The following UGT1A8 variants were observed in gnomAD, a reference collection of about 807,000 sequenced individuals.
UGT1A8 encodes the protein UDP glucuronosyltransferase family 1 member A8.
In UGT1A8, 39 loss-of-function variants were observed where a neutral mutation model predicts 45.3. The ratio of observed to expected loss-of-function variants is 0.86; its 90% CI spans 0.67 to 1.12. The LOEUF (loss-of-function observed/expected upper bound fraction) is 1.12, where lower values mean the gene tolerates loss of function less well. UGT1A8 is among the 50% of genes most tolerant of loss of function. The probability of loss-of-function intolerance (pLI) is 0.00; values close to 1 mark genes in which losing one functional copy is unlikely to be tolerated. For missense variants in UGT1A8, 719 were observed against 664.9 expected (o/e 1.08, Z -0.90); for synonymous variants, 275 against 249.2 (o/e 1.10, Z -0.97).
chr2:233,728,963 A>G (rs747345180), intron 1 of UGT1A8: 195 of 1,450,970 alleles, frequency 1.3e-4, no homozygotes, highest in Non-Finnish European at 1.6e-4. Flanking sequence ...AGTGAAAAAC[A>G]GTGATAGATT....
intron 1 of UGT1A8, chr2:233,761,300 G>A (rs2125991152): frequency 6.7e-7 from 1 of 1,496,402 alleles, no homozygotes; most frequent in Non-Finnish European, 9.1e-7. Flanking sequence ...CTAGGTTTGA[G>A]TCTGTCTTTG....
At chr2:233,674,143 T>A (rs1453061826) in intron 1 of UGT1A8, among the ~76,000 whole-genome samples, 1 of 152,196 alleles carries the variant, frequency 6.6e-6, no homozygotes, top group Non-Finnish European at 1.5e-5. Context: ...CTTACAAGGT[T>A]CAGTAGACTT....
At chr2:233,658,322 C>T (rs562847995) in intron 1 of UGT1A8, among the ~76,000 whole-genome samples, 31 of 152,232 alleles carry the variant, frequency 2.0e-4, no homozygotes, top group African/African-American at 7.5e-4. Context: ...CCCATCCTCC[C>T]CTATGGTTAA....
At chr2:233,663,628 C>T (rs2074017033) in intron 1 of UGT1A8, among the ~76,000 whole-genome samples, 1 of 152,074 alleles carries the variant, frequency 6.6e-6, no homozygotes, top group Non-Finnish European at 1.5e-5. Context: ...AATGCTAGTC[C>T]TACAAAGGGA....
intron 1 of UGT1A8, among the ~76,000 whole-genome samples, chr2:233,714,632 T>C (rs994949094): frequency 2.6e-5 from 4 of 152,224 alleles, no homozygotes; most frequent in African/African-American, 7.2e-5. Context: ...ACCACTAAAA[T>C]TAATGTGAAT....
intron 1 of UGT1A8, among the ~76,000 whole-genome samples, chr2:233,638,925 T>C (rs1009396691): frequency 6.6e-6 from 1 of 152,066 alleles, no homozygotes; most frequent in South Asian, 2.1e-4. Flanking sequence ...CTCTAAGAGG[T>C]TGGACTTATC....
At chr2:233,621,378 G>A (rs988074502) in intron 1 of UGT1A8, among the ~76,000 whole-genome samples, 1 of 152,012 alleles carries the variant, frequency 6.6e-6, no homozygotes, top group Non-Finnish European at 1.5e-5. Context: ...AAAAGAATTC[G>A]GGCTTCGTCT....
At chr2:233,760,549 G>A (rs2125985791) in intron 1 of UGT1A8, 1 of 1,614,268 alleles carries the variant, frequency 6.2e-7, no homozygotes, top group Non-Finnish European at 8.5e-7. Context: ...AAGGGAGGAT[G>A]TGAAAGAGTC....
At chr2:233,744,159 G>A (rs958752952) in intron 1 of UGT1A8, 17 of 293,374 alleles carry the variant, frequency 5.8e-5, no homozygotes, top group African/African-American at 2.9e-4. Context: ...ACCAGGCCCC[G>A]CCCACTCCGG....
chr2:233,719,816 T>C (rs2076805774), intron 1 of UGT1A8: 21 of 1,580,710 alleles, frequency 1.3e-5, no homozygotes, highest in Non-Finnish European at 1.8e-5. Flanking sequence ...TTATAACAGA[T>C]AAACTGTTGA....
At chr2:233,719,278 C>T (rs769049134) in intron 1 of UGT1A8, 1 of 1,614,106 alleles carries the variant, frequency 6.2e-7, no homozygotes, top group South Asian at 1.1e-5. Context: ...TTAACAGACC[C>T]CGTTAACCTC....
At chr2:233,709,038 G>A (rs2076054065) in intron 1 of UGT1A8, among the ~76,000 whole-genome samples, 1 of 152,112 alleles carries the variant, frequency 6.6e-6, no homozygotes, top group Non-Finnish European at 1.5e-5. Flanking sequence ...TTCAGCCTGA[G>A]TTCTTTTCCC....
chr2:233,669,086 G>A (rs1438123579), intron 1 of UGT1A8, among the ~76,000 whole-genome samples: 1 of 152,200 alleles, frequency 6.6e-6, no homozygotes, highest in African/African-American at 2.4e-5. Context: ...ATACCCAACT[G>A]TTGAAGAGTC....
At chr2:233,667,456 C>A (rs1238439419) in intron 1 of UGT1A8, among the ~76,000 whole-genome samples, 1 of 152,184 alleles carries the variant, frequency 6.6e-6, no homozygotes, top group Non-Finnish European at 1.5e-5. Context: ...CATTACCATT[C>A]AGGACATAGG....
At chr2:233,686,352 CA>C (rs1324120772) in intron 1 of UGT1A8, among the ~76,000 whole-genome samples, 4 of 151,822 alleles carry the variant, frequency 2.6e-5, no homozygotes, top group Non-Finnish European at 5.9e-5. Flanking sequence ...TTTTGTATAT[CA>C]AAGGATACTA....
At chr2:233,653,317 G>GTC (rs761402437) in intron 1 of UGT1A8, among the ~76,000 whole-genome samples, 3 of 152,128 alleles carry the variant, frequency 2.0e-5, no homozygotes, top group Non-Finnish European at 4.4e-5. Context: ...TAACATACAG[G>GTC]TATCTTTGCA....
At chr2:233,760,797 C>T in intron 1 of UGT1A8, 1 of 1,613,492 alleles carries the variant, frequency 6.2e-7, no homozygotes, top group Non-Finnish European at 8.5e-7. Context: ...CCACTGTATT[C>T]TTCTTGCATG....
At chr2:233,747,354 G>C (rs753872482) in intron 1 of UGT1A8, 1 of 1,602,508 alleles carries the variant, frequency 6.2e-7, no homozygotes, top group Non-Finnish European at 8.5e-7. Context: ...GCGGGAGGCC[G>C]TGCGGGAGCT....
chr2:233,672,742 A>T, intron 1 of UGT1A8: 2 of 1,613,888 alleles, frequency 1.2e-6, no homozygotes, highest in African/African-American at 1.3e-5. Context: ...GCCCAACATG[A>T]TCTTCATTGG....
Sources: gnomAD v4.1 joint callset for allele counts (sites outside exome capture counted in the v4.1 genomes callset) on GRCh38, gnomAD v4.1.1 for gene constraint, MANE v1.5 for transcripts, NCBI Gene and HGNC (gene_info 2026-07-23, HGNC 2026-07-21) for gene names.